POC1B: variants seen among roughly 807,000 people sequenced by gnomAD.
The protein encoded by POC1B is POC1 centriolar protein B, also known as POC1 centriolar protein homolog B.
In POC1B, 44 loss-of-function variants were observed where a neutral mutation model predicts 60.6. That is an observed-to-expected ratio of 0.73 (90% CI 0.57 to 0.93). The LOEUF is 0.93. Among genes scored for constraint, POC1B ranks in the 40% least tolerant of loss-of-function variants. The pLI, the probability that POC1B is intolerant of heterozygous loss-of-function variation, is 0.00. For synonymous variants in POC1B, 180 were observed against 198.9 expected (o/e 0.90, Z 0.80); for missense variants, 555 against 572.3 (o/e 0.97, Z 0.31).
At chr12:89,501,296 CA>C in intron 2 of POC1B, 1 of 1,025,256 alleles carries the variant, frequency 9.8e-7, no homozygotes, top group African/African-American at 1.6e-5. Context: ...TGTAGATCTA[CA>C]AAATATGAAA....
chr12:89,503,648 G>A (rs1222083663), intron 2 of POC1B, among the ~76,000 whole-genome samples: 3 of 145,830 alleles, frequency 2.1e-5, no homozygotes, highest in South Asian at 2.2e-4. Flanking sequence ...CCTCTGCCCC[G>A]CCACCCCATC....
chr12:89,500,971 C>G (rs947471987), intron 2 of POC1B: 1 of 889,450 alleles, frequency 1.1e-6, no homozygotes, highest in African/African-American at 1.6e-5. Flanking sequence ...CCACCTCATT[C>G]GTGTCCTCCC....
Position 89,471,616 on chromosome 12 carries a change from T to C in POC1B, c.674A>G (p.Gln225Arg), listed in dbSNP as rs757651938. The C allele has an allele frequency of 1.2e-6, 2 of 1,602,616 alleles. No homozygotes were observed. Residue 225 changes from glutamine (Q) to arginine (R), a missense_variant and splice_region_variant, in exon 6 of 12, where the codon CAA becomes CGA. Transcript: ENST00000313546. ...TTTTTTGTTAGGAAAATTGTTACCT[T>C]GGTAATGCTGTAGTAATTTGTTCAC... The part of the protein sequence containing the change: ...VRVNKLLQHY[Q>R]VHSGGVNCIS...
the POC1B span, among the ~76,000 whole-genome samples, chr12:89,408,472 T>C: frequency 6.6e-6 from 1 of 151,800 alleles, no homozygotes; most frequent in East Asian, 1.9e-4. Context: ...GCATGTGTTG[T>C]TTCCTGACTT....
intron 10 of POC1B, among the ~76,000 whole-genome samples, chr12:89,445,273 A>C (rs1881726112): frequency 6.6e-6 from 1 of 152,204 alleles, no homozygotes; most frequent in Non-Finnish European, 1.5e-5. Context: ...GTTCATATGG[A>C]ACCAAAAAAG....
chr12:89,488,539 G>A (rs2135734800), intron 4 of POC1B, among the ~76,000 whole-genome samples: 1 of 152,252 alleles, frequency 6.6e-6, no homozygotes, highest in Middle Eastern at 3.4e-3. Context: ...CCAGGCTGGA[G>A]TGAAGTGGCA....
chr12:89,415,919 GC>G (rs1163719510), downstream of POC1B, among the ~76,000 whole-genome samples: 1 of 152,194 alleles, frequency 6.6e-6, no homozygotes, highest in African/African-American at 2.4e-5. Context: ...TTATAGCAGT[GC>G]CCACTTAGCC....
chr12:89,417,516 A>G (rs1446215620), downstream of POC1B, among the ~76,000 whole-genome samples: 1 of 152,254 alleles, frequency 6.6e-6, no homozygotes, highest in East Asian at 1.9e-4. Context: ...CTTTAAAAAA[A>G]TTTAATGTGC....
In POC1B at chr12:89,459,822, A is replaced by AAAT. The variant is rs1592601773; in HGVS notation, c.1033-107_1033-105dup. 10 of 608,010 alleles carry AAAT rather than the reference A, an allele frequency of 1.6e-5. No individual in the cohort carries two copies. In the East Asian group the frequency reaches 3.1e-4, roughly 19 times the overall value. 37.7% of individuals were successfully genotyped at this position (608,010 alleles called of 1,614,324 possible). A position where few individuals can be genotyped will look rare whatever the true frequency, so the allele number is the denominator to read the frequency against. On this transcript the variant is annotated intron_variant, in intron 9 of 11. Transcript: ENST00000313546. ...CATTTTCTAATATATTCTAAAATTA[A>AAAT]AATATATTGGTATATTCATTACTAT...
the POC1B span, among the ~76,000 whole-genome samples, chr12:89,413,963 C>T: frequency 6.1e-4 from 93 of 152,268 alleles, no homozygotes; most frequent in African/African-American, 2.1e-3. Flanking sequence ...ACCATCTTGG[C>T]TCACTGCAAC....
intron 4 of POC1B, among the ~76,000 whole-genome samples, chr12:89,489,054 G>A (rs539184170): frequency 6.6e-6 from 1 of 152,170 alleles, no homozygotes; most frequent in African/African-American, 2.4e-5. Flanking sequence ...TCAGCCTCTT[G>A]GGACCATCGT....
At position 89,508,045 on chromosome 12, in the gene POC1B, T is replaced by A. The variant is rs138737842; in HGVS notation, c.101-10703A>T. Reference sequence around the variant, plus strand: ...AGCATTTAATGAAATCTCCTTCTAGTCCTTGGCAACCTGGTTCTCCTTCCC... The same window carrying A: ...AGCATTTAATGAAATCTCCTTCTAGACCTTGGCAACCTGGTTCTCCTTCCC... On this transcript the variant is annotated intron_variant, in intron 2 of 11. Coordinates refer to ENST00000313546, the MANE Select transcript of POC1B (RefSeq NM_172240.3). Among the ~76,000 whole-genome samples the A allele has an allele frequency of 8.5e-4, 130 of 152,394 alleles. 1 individual carries two copies. Among genetic ancestry groups the A allele is most frequent in the East Asian group, 2.3e-3 (12 of 5,192 alleles).
At chr12:89,464,783 G>A (rs1324396653) in intron 9 of POC1B, among the ~76,000 whole-genome samples, 3 of 145,750 alleles carry the variant, frequency 2.1e-5, no homozygotes, top group Non-Finnish European at 3.0e-5. Context: ...ACCGCACCTG[G>A]CCCAAGAGAT....
At chr12:89,421,744 T>C (rs1880542941) in intron 11 of POC1B, among the ~76,000 whole-genome samples, 2 of 152,140 alleles carry the variant, frequency 1.3e-5, no homozygotes, top group African/African-American at 4.8e-5. Context: ...GCTTTGAAAA[T>C]ATCCTAACAA....
chr12:89,496,996 A>G, intron 3 of POC1B, 175 bp downstream of exon 3: 1 of 677,174 alleles, frequency 1.5e-6, no homozygotes, highest in Non-Finnish European at 2.4e-6. Context: ...AAAAGAAGAC[A>G]TAATTTTGAG....
chr12:89,466,795 T>G lies in POC1B; in HGVS notation c.1007A>C (p.His336Pro). The G allele has an allele frequency of 6.2e-7, 1 of 1,612,496 alleles. No individual in the cohort carries two copies. The change falls in exon 9 of 12, where the codon CAT (histidine) becomes CCT (proline). Residue 336 changes from histidine to proline, a missense_variant. Coordinates refer to ENST00000313546, the MANE Select transcript of POC1B (RefSeq NM_172240.3). ...TTCTACAGTCTCAACTTTTTCCTCATGGGGATGTGGTGTTCTTGGGTAGAT... is the reference window on the plus strand; with the variant it reads ...TTCTACAGTCTCAACTTTTTCCTCAGGGGGATGTGGTGTTCTTGGGTAGAT... ...LDIYPRTPHPHEEKVETVEIN... is the reference protein window; with the variant it reads ...LDIYPRTPHPPEEKVETVEIN...
chr12:89,503,120 C>G (rs10858885), intron 2 of POC1B, among the ~76,000 whole-genome samples: 2 of 148,578 alleles, frequency 1.3e-5, no homozygotes, highest in African/African-American at 5.0e-5. Flanking sequence ...TCTCTCCCCA[C>G]GGTCTCCCTC....
chr12:89,525,225 G>A (rs778866409), intron 1 of POC1B, 21 bp from the exon 2 acceptor site: 3 of 1,597,026 alleles, frequency 1.9e-6, no homozygotes, highest in Admixed American at 1.7e-5. Flanking sequence ...AAGTTGTCAA[G>A]TTTTGAAAGC....
chr12:89,480,172 C>T (rs909884765), intron 4 of POC1B, among the ~76,000 whole-genome samples: 5 of 151,724 alleles, frequency 3.3e-5, no homozygotes, highest in African/African-American at 1.2e-4. Flanking sequence ...GGTCTCACTC[C>T]ATTAGTCAGG....
Sources: allele counts gnomAD v4.1 joint callset (sites outside exome capture counted in the v4.1 genomes callset), GRCh38; gene constraint gnomAD v4.1.1; transcripts MANE v1.5; gene names NCBI Gene and HGNC (gene_info 2026-07-23, HGNC 2026-07-21).